The following PPFIA2 variants were observed in gnomAD, a reference collection of about 807,000 sequenced individuals.
PPFIA2 encodes liprin-alpha-2.
PPFIA2 carries 46 observed loss-of-function variants against 175.5 expected under a neutral mutation model. The observed-to-expected ratio is 0.26, with a 90% CI of 0.21 to 0.34. The LOEUF is 0.34. Ranked by LOEUF, PPFIA2 falls within the 10% of genes least tolerant of loss-of-function variation. PPFIA2 has a pLI of 1.00. For missense variants in PPFIA2, 1,179 were observed against 1,506.1 expected (o/e 0.78, Z 3.60); for synonymous variants, 568 against 511.4 (o/e 1.11, Z -1.49).
rs936084787 is a variant in PPFIA2, at chr12:81,369,843, T to G, written c.1267-649A>C. Among the ~76,000 whole-genome samples, 7 of 151,702 alleles carry G rather than the reference T, an allele frequency of 4.6e-5. No individual in the cohort carries two copies. The Admixed American group carries it at 4.6e-4, about 10-fold the overall frequency. On this transcript the variant is annotated intron_variant, in intron 11 of 32. Coordinates refer to ENST00000549396, the MANE Select transcript of PPFIA2 (RefSeq NM_003625.5). ...ATTTAATACTTTAATAGACAGAATT[T>G]TATGTGGAAAGAACTACATTGATAT...
At chr12:81,396,489 CAGG>C (rs2041157268) in intron 8 of PPFIA2, among the ~76,000 whole-genome samples, 1 of 151,918 alleles carries the variant, frequency 6.6e-6, no homozygotes, top group Admixed American at 6.6e-5. Flanking sequence ...CAAAAGTCAA[CAGG>C]AGGCCAGTGT....
At chr12:81,529,577 G>GAC (rs2064216895) in intron 4 of PPFIA2, among the ~76,000 whole-genome samples, 1 of 150,860 alleles carries the variant, frequency 6.6e-6, no homozygotes, top group Non-Finnish European at 1.5e-5. Context: ...GAGAGAGAGA[G>GAC]AGAGAGATTC....
At chr12:81,615,154 G>A (rs1050150305) in intron 4 of PPFIA2, among the ~76,000 whole-genome samples, 20 of 152,234 alleles carry the variant, frequency 1.3e-4, no homozygotes, top group African/African-American at 4.8e-4. Context: ...GATTGGGAAA[G>A]ATAGAAAGGT....
intron 3 of PPFIA2, among the ~76,000 whole-genome samples, chr12:81,744,380 A>G (rs10506851): frequency 0.15 from 22,009 of 151,776 alleles, 1,755 homozygotes; most frequent in Middle Eastern, 0.23. Context: ...TTGCCTTACT[A>G]AAACTTAGAG....
chr12:81,594,314 G>A (rs2059011615), intron 4 of PPFIA2, among the ~76,000 whole-genome samples: 1 of 152,062 alleles, frequency 6.6e-6, no homozygotes, highest in Admixed American at 6.6e-5. Context: ...TCTTTCTCTT[G>A]TTTTCAGTAG....
At chr12:81,525,541 C>T (rs941944362) in intron 4 of PPFIA2, among the ~76,000 whole-genome samples, 1 of 152,086 alleles carries the variant, frequency 6.6e-6, no homozygotes, top group African/African-American at 2.4e-5. Flanking sequence ...AGCAGCCACC[C>T]TGTGAGCTTG....
At chr12:81,655,363 T>A (rs555124289) in intron 4 of PPFIA2, among the ~76,000 whole-genome samples, 22 of 151,790 alleles carry the variant, frequency 1.4e-4, no homozygotes, top group South Asian at 2.1e-4. Flanking sequence ...TGTTTTTCCC[T>A]AGGTTCTTAG....
intron 3 of PPFIA2, among the ~76,000 whole-genome samples, chr12:81,744,734 T>G (rs559103415): frequency 1.3e-5 from 2 of 152,198 alleles, no homozygotes; most frequent in Non-Finnish European, 2.9e-5. Context: ...CCACAAGAAA[T>G]GCTTTCTATT....
intron 28 of PPFIA2, among the ~76,000 whole-genome samples, chr12:81,272,956 T>C (rs1169047480): frequency 6.6e-6 from 1 of 152,218 alleles, no homozygotes; most frequent in Non-Finnish European, 1.5e-5. Flanking sequence ...ATATACATAA[T>C]AAAATTTATT....
At chr12:81,420,092 C>T (rs1423816070) in intron 7 of PPFIA2, among the ~76,000 whole-genome samples, 1 of 152,124 alleles carries the variant, frequency 6.6e-6, no homozygotes, top group African/African-American at 2.4e-5. Flanking sequence ...TAACTGCTGC[C>T]CACTCCTGGA....
intron 4 of PPFIA2, among the ~76,000 whole-genome samples, chr12:81,503,802 G>T (rs537845868): frequency 7.2e-5 from 11 of 151,962 alleles, no homozygotes; most frequent in Non-Finnish European, 7.4e-5. Context: ...ACAAGGCAAA[G>T]CTATTTTAAG....
intron 7 of PPFIA2, among the ~76,000 whole-genome samples, chr12:81,406,986 T>C (rs963271804): frequency 1.3e-5 from 2 of 152,208 alleles, no homozygotes; most frequent in African/African-American, 4.8e-5. Flanking sequence ...ATGACATCAG[T>C]TGATCTAGCT....
At chr12:81,702,250 A>C (rs1484574674) in intron 3 of PPFIA2, among the ~76,000 whole-genome samples, 3 of 152,144 alleles carry the variant, frequency 2.0e-5, no homozygotes, top group Non-Finnish European at 4.4e-5. Context: ...CCTTCAGTAC[A>C]CAAATGTGTT....
At chr12:81,400,456 A>G (rs1222178811) in intron 8 of PPFIA2, among the ~76,000 whole-genome samples, 1 of 152,186 alleles carries the variant, frequency 6.6e-6, no homozygotes, top group African/African-American at 2.4e-5. Context: ...ATACTAGACA[A>G]TTATTTATTA....
chr12:81,341,347 TTACA>T, intron 19 of PPFIA2, 139 bp from the exon 20 acceptor site: 1 of 687,132 alleles, frequency 1.5e-6, no homozygotes, highest in Non-Finnish European at 2.3e-6. Flanking sequence ...CATTTAAGTC[TTACA>T]TACATAAATT....
chr12:81,358,057 G>C, intron 16 of PPFIA2, 25 bp downstream of exon 16: 1 of 1,543,348 alleles, frequency 6.5e-7, no homozygotes, highest in Non-Finnish European at 8.7e-7. Context: ...TAAAACTAGA[G>C]AAGAGTTGAA....
At chr12:81,360,909 C>A (rs971785174) in intron 15 of PPFIA2, among the ~76,000 whole-genome samples, 2 of 151,530 alleles carry the variant, frequency 1.3e-5, no homozygotes, top group Non-Finnish European at 3.0e-5. Context: ...GTGATATAAT[C>A]AGAAAAATAT....
chr12:81,329,236 A>C (rs576327468), intron 21 of PPFIA2, among the ~76,000 whole-genome samples: 82 of 152,254 alleles, frequency 5.4e-4, no homozygotes, highest in African/African-American at 1.9e-3. Context: ...CACCCCTTTC[A>C]TGGCCTGAAG....
At chr12:81,365,834 G>A (rs1323793128) in intron 14 of PPFIA2, among the ~76,000 whole-genome samples, 2 of 151,708 alleles carry the variant, frequency 1.3e-5, no homozygotes, top group African/African-American at 4.8e-5. Context: ...GGAGATTGTG[G>A]ACACCTTGAC....
Sources: allele counts gnomAD v4.1 joint callset (sites outside exome capture counted in the v4.1 genomes callset), GRCh38; gene constraint gnomAD v4.1.1; transcripts MANE v1.5; gene names NCBI Gene and HGNC (gene_info 2026-07-23, HGNC 2026-07-21).